FMNL2: variants seen among roughly 807,000 people sequenced by gnomAD.
FMNL2 encodes the protein formin like 2.
FMNL2 carries 51 observed loss-of-function variants against 130.2 expected under a neutral mutation model. That is an observed-to-expected ratio of 0.39 (90% CI 0.31 to 0.49). FMNL2 has a LOEUF of 0.49. FMNL2 is among the 20% of genes least tolerant of loss of function. The pLI is 0.85. For missense variants in FMNL2, 977 were observed against 1,316.2 expected, an observed-to-expected ratio of 0.74 and a Z score of 3.99; for synonymous variants, 465 against 467.1, an observed-to-expected ratio of 1.00 and a Z score of 0.06.
chr2:152,602,087 G>A (rs1226472247), intron 9 of FMNL2, among the ~76,000 whole-genome samples: 1 of 152,176 alleles, frequency 6.6e-6, no homozygotes, highest in East Asian at 1.9e-4. Flanking sequence ...TTACAGTCTT[G>A]TCTAATGTGC....
chr2:152,639,545 G>T (rs1298734417), intron 23 of FMNL2, among the ~76,000 whole-genome samples: 1 of 152,192 alleles, frequency 6.6e-6, no homozygotes, highest in Admixed American at 6.5e-5. Context: ...AAGAAATGAG[G>T]GTTTTCCCCT....
At chr2:152,488,144 G>A (rs1690942639) in intron 1 of FMNL2, among the ~76,000 whole-genome samples, 1 of 152,174 alleles carries the variant, frequency 6.6e-6, no homozygotes, top group South Asian at 2.1e-4. Flanking sequence ...TTTTAGTACT[G>A]TGAAATGAAT....
At chr2:152,640,516 A>C (rs535731658) in intron 24 of FMNL2, among the ~76,000 whole-genome samples, 5 of 152,256 alleles carry the variant, frequency 3.3e-5, no homozygotes, top group Non-Finnish European at 7.3e-5. Flanking sequence ...TTGGCAACAC[A>C]GTTTAAGACA....
rs1155779 is a variant in FMNL2 at position 152,549,080 on chromosome 2, G to A, written c.342G>A (p.Leu114=). The A allele has an allele frequency of 0.61, 985,652 of 1,605,322 alleles. 307,104 individuals carry two copies. The highest frequency in any genetic ancestry group is 0.81 in the East Asian group (36,314 of 44,636). ...TGCTAAGAGAACTGGAAATTTCTTTGAGAACTAACCACATTGGGTAAGTAT... is the reference window on the plus strand; with the variant it reads ...TGCTAAGAGAACTGGAAATTTCTTTAAGAACTAACCACATTGGGTAAGTAT... ...TQVLRELEIS[L]RTNHIGWVRE... The change falls in exon 4 of 26, where the codon TTG becomes TTA. Residue 114 remains leucine, a synonymous_variant. Transcript: ENST00000288670.
intron 1 of FMNL2, among the ~76,000 whole-genome samples, chr2:152,420,253 A>G (rs760020595): frequency 7.2e-5 from 11 of 152,352 alleles, no homozygotes; most frequent in Middle Eastern, 3.4e-3. Flanking sequence ...ACCACAAATT[A>G]TAGAAACTTT....
intron 3 of FMNL2, among the ~76,000 whole-genome samples, chr2:152,547,274 G>A (rs576259157): frequency 5.9e-5 from 9 of 152,260 alleles, no homozygotes; most frequent in East Asian, 5.8e-4. Context: ...GTACTGTGCC[G>A]AGCCTCCTCA....
intron 1 of FMNL2, among the ~76,000 whole-genome samples, chr2:152,436,962 C>G (rs769826821): frequency 6.6e-6 from 1 of 152,178 alleles, no homozygotes; most frequent in Non-Finnish European, 1.5e-5. Flanking sequence ...CAACACATTT[C>G]TCACAGTCCT....
intron 15 of FMNL2, among the ~76,000 whole-genome samples, chr2:152,623,715 T>C (rs1396541526): frequency 6.6e-6 from 1 of 152,156 alleles, no homozygotes; most frequent in Non-Finnish European, 1.5e-5. Context: ...AGTAGTGTGG[T>C]AGGCTACCCA....
intron 1 of FMNL2, among the ~76,000 whole-genome samples, chr2:152,356,330 GT>G (rs1338649002): frequency 6.6e-6 from 1 of 152,100 alleles, no homozygotes; most frequent in Non-Finnish European, 1.5e-5. Flanking sequence ...CACCATGTTG[GT>G]GAGGCTGGTC....
At chr2:152,485,592 G>A (rs1333513519) in intron 1 of FMNL2, among the ~76,000 whole-genome samples, 1 of 152,218 alleles carries the variant, frequency 6.6e-6, no homozygotes, top group African/African-American at 2.4e-5. Context: ...CTGGTTTTGT[G>A]TGTGTGTGTG....
At chr2:152,481,329 CTGAT>C (rs1690508011) in intron 1 of FMNL2, among the ~76,000 whole-genome samples, 1 of 152,228 alleles carries the variant, frequency 6.6e-6, no homozygotes, top group Non-Finnish European at 1.5e-5. Flanking sequence ...ATACACTTAA[CTGAT>C]TGAAGTTTGA....
chr2:152,336,741 C>G (rs1681486115), intron 1 of FMNL2, among the ~76,000 whole-genome samples: 1 of 152,282 alleles, frequency 6.6e-6, no homozygotes, highest in African/African-American at 2.4e-5. Flanking sequence ...GGGACACACA[C>G]AGGCGAGATT....
At chr2:152,459,758 A>G (rs1689143921) in intron 1 of FMNL2, among the ~76,000 whole-genome samples, 1 of 152,230 alleles carries the variant, frequency 6.6e-6, no homozygotes, top group Non-Finnish European at 1.5e-5. Flanking sequence ...AAATCTATTG[A>G]GTTGCATACT....
rs889227102 is a variant in FMNL2, at chr2:152,575,374, T to C, written c.705+130T>C. ...GCCCAGACTTCATCATCCTACAATT[T>C]ATCTGTGTTACCAAAAGCTGCTTGT... is the stretch of plus-strand genomic sequence containing the variant. On this transcript the variant is annotated intron_variant, in intron 7 of 25. Coordinates refer to ENST00000288670, the MANE Select transcript of FMNL2 (RefSeq NM_052905.4). 2.4e-5 allele frequency: 12 copies of C among 496,502 alleles called. No individual in the cohort carries two copies. The South Asian group carries it at 3.5e-4, about 14-fold the overall frequency. The allele number at this position is 496,502 out of a possible 1,614,324, so 30.8% of individuals were successfully genotyped here.
intron 11 of FMNL2, 67 bp downstream of exon 11, chr2:152,611,672 A>G: frequency 9.8e-7 from 1 of 1,019,690 alleles, no homozygotes; most frequent in Non-Finnish European, 1.5e-6. Context: ...CCTCAAAGGT[A>G]CGCTTCCATA....
intron 1 of FMNL2, among the ~76,000 whole-genome samples, chr2:152,343,395 A>G (rs1459338022): frequency 6.6e-6 from 1 of 152,166 alleles, no homozygotes; most frequent in African/African-American, 2.4e-5. Flanking sequence ...TCCTGGGTTC[A>G]AGCGATCCTC....
At chr2:152,491,197 C>G (rs928570384) in intron 1 of FMNL2, among the ~76,000 whole-genome samples, 1 of 152,198 alleles carries the variant, frequency 6.6e-6, no homozygotes, top group African/African-American at 2.4e-5. Context: ...GGCAAAGAAA[C>G]TGTCCCAATT....
At chr2:152,395,203 C>T (rs1156928389) in intron 1 of FMNL2, among the ~76,000 whole-genome samples, 1 of 152,186 alleles carries the variant, frequency 6.6e-6, no homozygotes, top group East Asian at 1.9e-4. Flanking sequence ...CCAGAGTGTT[C>T]TTTCAGAACT....
At chr2:152,465,140 G>A (rs1218486310) in intron 1 of FMNL2, among the ~76,000 whole-genome samples, 7 of 152,232 alleles carry the variant, frequency 4.6e-5, no homozygotes, top group Admixed American at 1.3e-4. Context: ...CAGCAAAGTC[G>A]GAGAGGCTTC....
Sources: allele counts gnomAD v4.1 joint callset (sites outside exome capture counted in the v4.1 genomes callset), GRCh38; gene constraint gnomAD v4.1.1; transcripts MANE v1.5; gene names NCBI Gene and HGNC (gene_info 2026-07-23, HGNC 2026-07-21).